The following ZNF585A variants were observed in gnomAD, a reference collection of about 807,000 sequenced individuals.
The protein encoded by ZNF585A is zinc finger protein 585A.
ZNF585A carries 9 observed loss-of-function variants against 14.9 expected under a neutral mutation model. The observed-to-expected ratio is 0.60, with a 90% confidence interval of 0.36 to 1.05. The LOEUF is 1.05. Among genes scored for constraint, ZNF585A ranks in the 50% least tolerant of loss-of-function variants. The pLI is 0.01. For missense variants in ZNF585A, 726 were observed against 926.4 expected, an observed-to-expected ratio of 0.78 and a Z score of 2.81; for synonymous variants, 276 against 319.9, an observed-to-expected ratio of 0.86 and a Z score of 1.46.
chr19:37,152,799 G>A lies in ZNF585A; in HGVS notation c.1100C>T (p.Ser367Leu). The A allele has an allele frequency of 6.2e-7, 1 of 1,614,148 alleles. No individual in the cohort carries two copies. Among genetic ancestry groups the A allele is most frequent in the East Asian group, 2.2e-5 (1 of 44,888 alleles). Reference sequence around the variant, plus strand: ...AATTCTCTGATGAATAATCAACTCTGACCTGTAGGTAAAGGCCTTCCCACA... The same window carrying A: ...AATTCTCTGATGAATAATCAACTCTAACCTGTAGGTAAAGGCCTTCCCACA... The part of the protein sequence containing the change: ...TECGKAFTYR[S>L]ELIIHQRIHT... The change falls in exon 5 of 5, where the codon TCA (serine) becomes TTA (leucine). Residue 367 changes from serine to leucine, a missense_variant. By Grantham distance (145) the Ser-to-Leu change is moderately radical. This residue lies in a region of ZNF585A where 483 missense variants were observed against 542.8 expected (regional missense o/e 0.89). Transcript: ENST00000292841.
chr19:37,154,854 A>G (rs1285184687), intron 4 of ZNF585A, among the ~76,000 whole-genome samples: 1 of 151,854 alleles, frequency 6.6e-6, no homozygotes, highest in Non-Finnish European at 1.5e-5. Flanking sequence ...GACTAGCAGG[A>G]GTGGGAGTGG....
intron 4 of ZNF585A, among the ~76,000 whole-genome samples, chr19:37,155,032 G>A (rs1423986079): frequency 8.9e-5 from 12 of 134,182 alleles, no homozygotes; most frequent in Admixed American, 2.5e-4. Context: ...ACGGAGTCTC[G>A]CTCTGTCGCC....
At chr19:37,163,613 T>C (rs768412390) in intron 2 of ZNF585A, among the ~76,000 whole-genome samples, 2 of 152,084 alleles carry the variant, frequency 1.3e-5, no homozygotes, top group Non-Finnish European at 2.9e-5. Context: ...AAACATCCAA[T>C]GAACAAAAGA....
chr19:37,158,721 A>C (rs1971967893), intron 2 of ZNF585A, among the ~76,000 whole-genome samples: 1 of 152,234 alleles, frequency 6.6e-6, no homozygotes, highest in Non-Finnish European at 1.5e-5. Context: ...ATCTTAAAAA[A>C]ATATTTATGA....
Position 37,152,928 on chromosome 19 carries a change from T to C in ZNF585A, c.971A>G (p.Lys324Arg), listed in dbSNP as rs1254866358. 2.5e-6 allele frequency: 4 copies of C among 1,614,260 alleles called. No individual in the cohort carries two copies. The South Asian group carries it at 4.4e-5, about 18-fold the overall frequency. ...CCCATATTCGGTACATATATAGGGC[T>C]TCACTCTTGTGTGAACACGTTGATG... ...QVHQRVHTRV[K>R]PYICTEYGKV... Residue 324 changes from lysine (K) to arginine (R), a missense_variant, in exon 5 of 5, where the codon AAG (lysine) becomes AGG (arginine). Physicochemically the swap from Lys to Arg is conservative, Grantham distance 26. Transcript: ENST00000292841.
intron 2 of ZNF585A, among the ~76,000 whole-genome samples, chr19:37,161,522 G>A (rs984364303): frequency 1.3e-5 from 2 of 152,172 alleles, no homozygotes; most frequent in Non-Finnish European, 2.9e-5. Flanking sequence ...TTTGAACTAC[G>A]CAAGTCCACA....
Position 37,151,715 on chromosome 19 carries a change from A to G in ZNF585A, c.2184T>C (p.Thr728=), listed in dbSNP as rs1278459299. 1 of 1,613,804 alleles carries G rather than the reference A, an allele frequency of 6.2e-7. No homozygotes were observed. The highest frequency in any genetic ancestry group is 1.1e-5 in the South Asian group (1 of 91,054). The stretch of plus-strand genomic sequence containing the variant: ...GATGTTTATTCAAATTGGACCTGTC[A>G]GTAAAGGCCTTCCCACACTCAGCAC... ...YVCAECGKAF[T]DRSNLNKHQT... is the part of the protein sequence containing the mutation. The change falls in exon 5 of 5, where the codon ACT becomes ACC. Residue 728 remains threonine, a synonymous_variant. Transcript: ENST00000292841.
At chr19:37,155,791 G>C in intron 4 of ZNF585A, 74 bp downstream of exon 4, 1 of 1,498,480 alleles carries the variant, frequency 6.7e-7, no homozygotes, top group Non-Finnish European at 9.3e-7. Context: ...TATTCCAAGG[G>C]TGTTGGTGTT....
chr19:37,156,400 G>C (rs1971932229), intron 2 of ZNF585A, 45 bp from the exon 3 acceptor site: 1 of 1,604,720 alleles, frequency 6.2e-7, no homozygotes, highest in African/African-American at 1.3e-5. Context: ...CAGCTTAGAG[G>C]GTTGGAGAGA....
chr19:37,170,585 G>A (rs1972167321), intron 1 of ZNF585A, among the ~76,000 whole-genome samples: 1 of 152,204 alleles, frequency 6.6e-6, no homozygotes, highest in African/African-American at 2.4e-5. Context: ...CCAGGTTCAA[G>A]CAATTCTCCT....
At chr19:37,155,814 T>G in intron 4 of ZNF585A, 51 bp downstream of exon 4, 66 of 1,584,884 alleles carry the variant, frequency 4.2e-5, no homozygotes, top group Non-Finnish European at 4.9e-5. Flanking sequence ...TCAAGACAGC[T>G]GAGATTTCCT....
chr19:37,163,957 T>C (rs2145411765), intron 2 of ZNF585A, among the ~76,000 whole-genome samples: 1 of 152,244 alleles, frequency 6.6e-6, no homozygotes, highest in South Asian at 2.1e-4. Flanking sequence ...CAAAGGCATA[T>C]CTGGAGTTGC....
intron 3 of ZNF585A, 25 bp downstream of exon 3, chr19:37,156,204 C>T (rs1327085750): frequency 6.8e-6 from 11 of 1,610,056 alleles, no homozygotes; most frequent in Non-Finnish European, 9.3e-6. Flanking sequence ...GGCCTCCTTT[C>T]AGATACCAAG....
In ZNF585A at chr19:37,171,595, T is replaced by C. The variant is rs61292794; in HGVS notation, c.-145+1032A>G. ...ATATTTTGAGCTACTTAGTCATATC[T>C]ATAAAGTATTAAAAATGCACATATG... On this transcript the variant is annotated intron_variant, in intron 1 of 4. Coordinates refer to ENST00000292841, the MANE Select transcript of ZNF585A (RefSeq NM_001288800.2). Among the ~76,000 whole-genome samples the C allele has an allele frequency of 3.7e-3, 567 of 152,308 alleles. 4 individuals carry two copies. In the East Asian group the frequency reaches 0.043, roughly 12 times the overall value.
chr19:37,153,337 A>G lies in ZNF585A; in HGVS notation c.562T>C (p.Cys188Arg). The change falls in exon 5 of 5, where the codon TGC becomes CGC. Residue 188 changes from cysteine (C) to arginine (R), a missense_variant. Transcript: ENST00000292841. ...KTHMREKPFK[C>R]NECGKSFFQV... ...AAAAAGGATTTTCCACATTCATTGC[A>G]TTTAAAGGGTTTCTCTCTCATATGG... 6.2e-7 allele frequency: 1 copy of G among 1,614,184 alleles called. No homozygotes were observed. Among genetic ancestry groups the G allele is most frequent in the Non-Finnish European group, 8.5e-7 (1 of 1,180,024 alleles).
rs920418032 is a variant in ZNF585A, at chr19:37,149,493, A to T, written c.*2096T>A. 3.3e-5 allele frequency: 5 copies of T among 152,138 alleles called. No individual in the cohort carries two copies. Among genetic ancestry groups the T allele is most frequent in the Admixed American group, 3.3e-4 (5 of 15,280 alleles). 9.4% of individuals were successfully genotyped at this position (152,138 alleles called of 1,614,324 possible). A position where few individuals can be genotyped will look rare whatever the true frequency, so the allele number is the denominator to read the frequency against. On this transcript the variant is annotated 3_prime_UTR_variant, in exon 5 of 5. Transcript: ENST00000292841. ...AGTCAGATGCTTATGTTGACTGATG[A>T]CTAATATTAACAGGATGCTGTCATT...
intron 2 of ZNF585A, among the ~76,000 whole-genome samples, chr19:37,161,284 A>G (rs918837260): frequency 1.3e-5 from 2 of 152,198 alleles, no homozygotes; most frequent in African/African-American, 4.8e-5. Context: ...AGAATCACGT[A>G]CCACAATAAA....
At chr19:37,169,742 G>A in intron 2 of ZNF585A, 97 bp downstream of exon 2, 1 of 1,456,380 alleles carries the variant, frequency 6.9e-7, no homozygotes, top group Non-Finnish European at 9.4e-7. Flanking sequence ...GCTTCCTGTG[G>A]CCCAGCTCCC....
rs1971838347 is a variant in ZNF585A at position 37,151,977 on chromosome 19, T to C, written c.1922A>G (p.Lys641Arg). ...EKPYVCAECG[K>R]AFSGRSNLSK... Reference sequence around the variant, plus strand: ...GAGATTTGACCTGCCACTAAAGGCCTTCCCGCACTCGGCACACACATAGGG... The same window carrying C: ...GAGATTTGACCTGCCACTAAAGGCCCTCCCGCACTCGGCACACACATAGGG... The change falls in exon 5 of 5, where the codon AAG becomes AGG. Residue 641 changes from lysine to arginine, a missense_variant. Lys to Arg is a conservative substitution (Grantham distance 26). Coordinates refer to ENST00000292841, the MANE Select transcript of ZNF585A (RefSeq NM_001288800.2). 6.2e-7 allele frequency: 1 copy of C among 1,613,986 alleles called. No homozygotes were observed. The highest frequency in any genetic ancestry group is 1.7e-5 in the Admixed American group (1 of 59,998).
Sources: allele counts gnomAD v4.1 joint callset (sites outside exome capture counted in the v4.1 genomes callset), GRCh38; gene constraint gnomAD v4.1.1; regional missense constraint gnomAD v4.1.1; transcripts MANE v1.5; gene names NCBI Gene and HGNC (gene_info 2026-07-23, HGNC 2026-07-21).